ZKSCAN1: variants seen among roughly 807,000 people sequenced by gnomAD.
The protein encoded by ZKSCAN1 is zinc finger protein with KRAB and SCAN domains 1.
ZKSCAN1 carries 14 observed loss-of-function variants against 51.6 expected under a neutral mutation model. The observed-to-expected ratio is 0.27, with a 90% CI of 0.18 to 0.42. The LOEUF is 0.42. Ranked by LOEUF, ZKSCAN1 falls within the 10% of genes least tolerant of loss-of-function variation. ZKSCAN1 has a pLI of 1.00. For missense variants in ZKSCAN1, 531 were observed against 710.0 expected (o/e 0.75, Z 2.86); for synonymous variants, 263 against 261.5 (o/e 1.01, Z -0.06).
chr7:100,032,690 G>C (rs750655802), intron 5 of ZKSCAN1, among the ~76,000 whole-genome samples: 1 of 152,052 alleles, frequency 6.6e-6, no homozygotes, highest in Non-Finnish European at 1.5e-5. Context: ...GTGAAACCCC[G>C]TGTCTACTAA....
Position 100,035,598 on chromosome 7 carries a change from G to A in ZKSCAN1, c.*1401G>A, listed in dbSNP as rs577675842. 45 of 154,168 alleles carry A rather than the reference G, an allele frequency of 2.9e-4. No homozygotes were observed. The highest frequency in any genetic ancestry group is 1.2e-3 in the Admixed American group (18 of 15,286). 9.6% of individuals were successfully genotyped at this position (154,168 alleles called of 1,614,324 possible). On this transcript the variant is annotated 3_prime_UTR_variant, in exon 6 of 6. Transcript: ENST00000324306. ...CGTGGTAGGGAGTGTTTTTTCCCACGCTTTTCCAGTAACTTTGCAAAAGCA... is the reference window on the plus strand; with the variant it reads ...CGTGGTAGGGAGTGTTTTTTCCCACACTTTTCCAGTAACTTTGCAAAAGCA...
At chr7:100,029,656 C>T (rs532980686) in intron 3 of ZKSCAN1, among the ~76,000 whole-genome samples, 1 of 152,274 alleles carries the variant, frequency 6.6e-6, no homozygotes, top group Non-Finnish European at 1.5e-5. Flanking sequence ...GATTAGGACC[C>T]TTTTATGACT....
Position 100,038,346 on chromosome 7 carries a change from T to C in ZKSCAN1, c.*4149T>C. ...AGTGTGATTGTAGACAAAAAGTCGG[T>C]TCACAGAACGGAGCAGCGGGGAGAG... On this transcript the variant is annotated 3_prime_UTR_variant, in exon 6 of 6. Coordinates refer to ENST00000324306, the MANE Select transcript of ZKSCAN1 (RefSeq NM_003439.4). 1.0e-6 allele frequency: 1 copy of C among 985,466 alleles called. No homozygotes were observed. Among genetic ancestry groups the C allele is most frequent in the Non-Finnish European group, 1.2e-6 (1 of 829,914 alleles). The allele number at this position is 985,466 out of a possible 1,614,324, so 61.0% of individuals were successfully genotyped here.
At chr7:100,019,610 A>G (rs1377166626) in intron 1 of ZKSCAN1, among the ~76,000 whole-genome samples, 1 of 152,200 alleles carries the variant, frequency 6.6e-6, no homozygotes. Flanking sequence ...AAGAGTTTAC[A>G]TTGGGGAATC....
In ZKSCAN1 at chr7:100,030,336, G is replaced by C; in HGVS notation, c.760G>C (p.Asp254His). ...TCTGGCTCGGAGGAATCTCAGTAGGGACAACAGGCAGGAGAATTATGGGAG... is the reference window on the plus strand; with the variant it reads ...TCTGGCTCGGAGGAATCTCAGTAGGCACAACAGGCAGGAGAATTATGGGAG... ...QNLARRNLSRDNRQENYGSAF... is the reference protein window; with the variant it reads ...QNLARRNLSRHNRQENYGSAF... The change falls in exon 5 of 6, where the codon GAC becomes CAC. Residue 254 changes from aspartate (D) to histidine (H), a missense_variant. Around this residue, in one of 2 missense-constraint regions of ZKSCAN1, gnomAD observed 403 missense variants for 490.5 expected, o/e 0.82. Transcript: ENST00000324306. 6.2e-7 allele frequency: 1 copy of C among 1,614,124 alleles called. No homozygotes were observed. Among genetic ancestry groups the C allele is most frequent in the Admixed American group, 1.7e-5 (1 of 60,008 alleles).
chr7:100,024,455 A>G (rs1204022559), intron 3 of ZKSCAN1, 148 bp downstream of exon 3: 2 of 1,004,396 alleles, frequency 2.0e-6, no homozygotes, highest in East Asian at 2.7e-5. Flanking sequence ...TTAGCCAGGT[A>G]TAGTGGCGCA....
At chr7:100,024,114 C>A in intron 2 of ZKSCAN1, 40 bp from the exon 3 acceptor site, 9 of 1,573,694 alleles carry the variant, frequency 5.7e-6, no homozygotes, top group Non-Finnish European at 7.7e-6. Flanking sequence ...TTCCCATTTA[C>A]AAAGTGATTT....
rs1334186157 is a variant in ZKSCAN1, at chr7:100,036,194, C to T, written c.*1997C>T. The T allele has an allele frequency of 1.0e-6, 1 of 985,298 alleles. No homozygotes were observed. The highest frequency in any genetic ancestry group is 1.2e-6 in the Non-Finnish European group (1 of 829,936). The allele number at this position is 985,298 out of a possible 1,614,324, so 61.0% of individuals were successfully genotyped here. Reference sequence around the variant, plus strand: ...TAAACCAACTACAACTTCCCTATAGCTTCTAAGCAGTTTCATCAGCATTAC... The same window carrying T: ...TAAACCAACTACAACTTCCCTATAGTTTCTAAGCAGTTTCATCAGCATTAC... On this transcript the variant is annotated 3_prime_UTR_variant, in exon 6 of 6. Transcript: ENST00000324306.
chr7:100,022,093 T>A lies in ZKSCAN1; in HGVS notation c.-88-1326T>A, dbSNP rs142529006. Among the ~76,000 whole-genome samples, 1,037 of 152,290 alleles carry A rather than the reference T, an allele frequency of 6.8e-3. 6 individuals carry two copies. Among genetic ancestry groups the A allele is most frequent in the Non-Finnish European group, 0.011 (723 of 68,026 alleles). ...TCTTTTATGACAGAGTCTCGCTCTG[T>A]GGCCAGGATGGAGTGCAGTGGCGCG... On this transcript the variant is annotated intron_variant, in intron 1 of 5. Transcript: ENST00000324306.
rs530009695 is a variant in ZKSCAN1, at chr7:100,038,260, C to T, written c.*4063C>T. ...AGCAGATACTGTATTTTATTTTAGC[C>T]TATTTGACAGAACACATCACTCAGA... On this transcript the variant is annotated 3_prime_UTR_variant, in exon 6 of 6. Coordinates refer to ENST00000324306, the MANE Select transcript of ZKSCAN1 (RefSeq NM_003439.4). The T allele has an allele frequency of 2.0e-6, 2 of 985,288 alleles. No individual in the cohort carries two copies. The highest frequency in any genetic ancestry group is 3.5e-5 in the African/African-American group (2 of 57,288). 61.0% of individuals were successfully genotyped at this position (985,288 alleles called of 1,614,324 possible). A position where few individuals can be genotyped will look rare whatever the true frequency, so the allele number is the denominator to read the frequency against.
chr7:100,038,344 G>C lies in ZKSCAN1; in HGVS notation c.*4147G>C, dbSNP rs72615157. On this transcript the variant is annotated 3_prime_UTR_variant, in exon 6 of 6. Coordinates refer to ENST00000324306, the MANE Select transcript of ZKSCAN1 (RefSeq NM_003439.4). Reference sequence around the variant, plus strand: ...TCAGTGTGATTGTAGACAAAAAGTCGGTTCACAGAACGGAGCAGCGGGGAG... The same window carrying C: ...TCAGTGTGATTGTAGACAAAAAGTCCGTTCACAGAACGGAGCAGCGGGGAG... 3 of 985,214 alleles carry C rather than the reference G, an allele frequency of 3.0e-6. No individual in the cohort carries two copies. The highest frequency in any genetic ancestry group is 3.6e-6 in the Non-Finnish European group (3 of 829,928). The allele number at this position is 985,214 out of a possible 1,614,324, so 61.0% of individuals were successfully genotyped here. A position where few individuals can be genotyped will look rare whatever the true frequency, so the allele number is the denominator to read the frequency against.
downstream of ZKSCAN1, among the ~76,000 whole-genome samples, chr7:100,044,199 T>C (rs562459651): frequency 3.9e-5 from 6 of 152,266 alleles, no homozygotes; most frequent in African/African-American, 9.6e-5. Flanking sequence ...ATGTTTCCTC[T>C]TGATCATTTT....
At chr7:100,017,827 A>T (rs769994625) in intron 1 of ZKSCAN1, among the ~76,000 whole-genome samples, 4 of 152,180 alleles carry the variant, frequency 2.6e-5, no homozygotes, top group Non-Finnish European at 5.9e-5. Flanking sequence ...GGGATGTGCC[A>T]CTTACTTGTG....
In ZKSCAN1 at chr7:100,038,794, G is replaced by C; in HGVS notation, c.*4597G>C. The C allele has an allele frequency of 1.1e-6, 1 of 905,976 alleles. No homozygotes were observed. The highest frequency in any genetic ancestry group is 1.3e-6 in the Non-Finnish European group (1 of 757,588). 56.1% of individuals were successfully genotyped at this position (905,976 alleles called of 1,614,324 possible). On this transcript the variant is annotated 3_prime_UTR_variant, in exon 6 of 6. Coordinates refer to ENST00000324306, the MANE Select transcript of ZKSCAN1 (RefSeq NM_003439.4). ...GTGGATCACAAGGTCAGGAGATCGA[G>C]ACCATCCTGGCTAACATGGCGAAAC... is the stretch of plus-strand genomic sequence containing the variant.
intron 4 of ZKSCAN1, 68 bp from the exon 5 acceptor site, chr7:100,030,181 C>G (rs1791046448): frequency 1.3e-6 from 2 of 1,579,668 alleles, no homozygotes; most frequent in Non-Finnish European, 1.7e-6. Flanking sequence ...CTTCCTGACT[C>G]CAGGTTTGAG....
intron 3 of ZKSCAN1, among the ~76,000 whole-genome samples, chr7:100,028,296 G>A (rs1369094259): frequency 6.6e-6 from 1 of 151,960 alleles, no homozygotes; most frequent in African/African-American, 2.4e-5. Flanking sequence ...AGGTTGCAGT[G>A]AGCCGAGATC....
rs1490787793 is a variant in ZKSCAN1, at chr7:100,036,982, T to C, written c.*2785T>C. 1.0e-6 allele frequency: 1 copy of C among 985,296 alleles called. No homozygotes were observed. Among genetic ancestry groups the C allele is most frequent in the Admixed American group, 6.2e-5 (1 of 16,252 alleles). 61.0% of individuals were successfully genotyped at this position (985,296 alleles called of 1,614,324 possible). On this transcript the variant is annotated 3_prime_UTR_variant, in exon 6 of 6. Transcript: ENST00000324306. ...CATCTTCCTGACTTTGTTGGATAGC[T>C]GCCACTAGGGTTGCTTCGATCTTCA...
chr7:100,035,764 A>T lies in ZKSCAN1; in HGVS notation c.*1567A>T. 1 of 855,124 alleles carries T rather than the reference A, an allele frequency of 1.2e-6. No individual in the cohort carries two copies. Among genetic ancestry groups the T allele is most frequent in the Non-Finnish European group, 1.4e-6 (1 of 710,996 alleles). The allele number at this position is 855,124 out of a possible 1,614,324, so 53.0% of individuals were successfully genotyped here. On this transcript the variant is annotated 3_prime_UTR_variant, in exon 6 of 6. Transcript: ENST00000324306. ...TATCACTAAAGACTGAGGTGAGGTT[A>T]TGAAACTTTCATTGGTCCCATCGTT...
At chr7:100,027,967 T>G (rs1368998699) in intron 3 of ZKSCAN1, among the ~76,000 whole-genome samples, 1 of 152,020 alleles carries the variant, frequency 6.6e-6, no homozygotes, top group African/African-American at 2.4e-5. Context: ...TAGTAAATAG[T>G]TCTTAAATAA....
Sources: allele counts gnomAD v4.1 joint callset (sites outside exome capture counted in the v4.1 genomes callset), GRCh38; gene constraint gnomAD v4.1.1; regional missense constraint gnomAD v4.1.1; transcripts MANE v1.5; gene names NCBI Gene and HGNC (gene_info 2026-07-23, HGNC 2026-07-21).